Variants in INPP5A observed in about 807,000 individuals in gnomAD.
INPP5A encodes the protein 43 kDa inositol polyphosphate 5-phophatase.
INPP5A carries 14 observed loss-of-function variants against 65.2 expected under a neutral mutation model. The observed-to-expected ratio is 0.21, with a 90% confidence interval of 0.14 to 0.34. The LOEUF is 0.34. Among genes scored for constraint, INPP5A ranks in the 10% least tolerant of loss-of-function variants. INPP5A has a pLI of 1.00. For missense variants in INPP5A, 431 were observed against 545.6 expected (o/e 0.79, Z 2.09); for synonymous variants, 207 against 208.3 (o/e 0.99, Z 0.05).
chr10:132,597,341 A>G (rs144106257), intron 1 of INPP5A, among the ~76,000 whole-genome samples: 148 of 152,336 alleles, frequency 9.7e-4, no homozygotes, highest in African/African-American at 3.4e-3. Flanking sequence ...GTGGTCTGTC[A>G]GCTCATCCAC....
chr10:132,679,166 G>A (rs945958250), intron 4 of INPP5A, among the ~76,000 whole-genome samples: 1 of 152,222 alleles, frequency 6.6e-6, no homozygotes, highest in Non-Finnish European at 1.5e-5. Flanking sequence ...AGGTGGGTGT[G>A]CAGCAGTGCA....
At chr10:132,721,487 G>A (rs1272412122) in intron 8 of INPP5A, among the ~76,000 whole-genome samples, 1 of 151,194 alleles carries the variant, frequency 6.6e-6, no homozygotes, top group East Asian at 1.9e-4. Context: ...TGTCTTCAGG[G>A]TTCTGTGGTG....
chr10:132,691,358 G>A (rs1211884005), intron 5 of INPP5A, among the ~76,000 whole-genome samples: 1 of 152,188 alleles, frequency 6.6e-6, no homozygotes, highest in African/African-American at 2.4e-5. Context: ...GCACAGAATT[G>A]CAGGAGCCGG....
intron 2 of INPP5A, among the ~76,000 whole-genome samples, chr10:132,636,891 G>C (rs2072359977): frequency 6.6e-6 from 1 of 152,106 alleles, no homozygotes; most frequent in Non-Finnish European, 1.5e-5. Context: ...GACTGGTGCT[G>C]GTCCGATTCT....
chr10:132,587,242 T>G lies in INPP5A; in HGVS notation c.76-20673T>G, dbSNP rs896554540. The stretch of plus-strand genomic sequence containing the variant: ...GACAGGAGATGGACCCAGGGCAGCT[T>G]GGGCCCGTTCCTCACCTGTTACCTG... On this transcript the variant is annotated intron_variant, in intron 1 of 15. Transcript: ENST00000368594. The surrounding 1 kb of genome is among the most constrained non-coding windows in gnomAD (Gnocchi z 4.3). 1.1e-4 allele frequency among the ~76,000 whole-genome samples: 16 copies of G among 152,218 alleles called. No individual in the cohort carries two copies. The highest frequency in any genetic ancestry group is 6.5e-5 in the Admixed American group (1 of 15,286).
rs111842963 is a variant in INPP5A at position 132,675,602 on chromosome 10, C to CAG, written c.307-14790_307-14789insAG. On this transcript the variant is annotated intron_variant, in intron 4 of 15. Coordinates refer to ENST00000368594, the MANE Select transcript of INPP5A (RefSeq NM_005539.5). The surrounding 1 kb of genome is among the most constrained non-coding windows in gnomAD (Gnocchi z 4.2). Reference sequence around the variant, plus strand: ...GCCGTGCCCGGGAGAGTGAGGGTAACGGACATTCCCACGGGGATATTCCCA... The same window carrying CAG: ...GCCGTGCCCGGGAGAGTGAGGGTAACAGGGACATTCCCACGGGGATATTCCCA... Among the ~76,000 whole-genome samples the CAG allele has an allele frequency of 0.031, 4,684 of 152,254 alleles. 111 individuals are homozygous for CAG. The highest frequency in any genetic ancestry group is 0.058 in the African/African-American group (2,398 of 41,550).
intron 9 of INPP5A, among the ~76,000 whole-genome samples, chr10:132,739,495 G>A (rs533859403): frequency 6.6e-6 from 1 of 152,378 alleles, no homozygotes; most frequent in African/African-American, 2.4e-5. Context: ...GGAGGGCACA[G>A]CTGTTGCCCT....
chr10:132,764,905 T>C (rs867627337), intron 11 of INPP5A, among the ~76,000 whole-genome samples: 361 of 78,372 alleles, frequency 4.6e-3, no homozygotes, highest in Middle Eastern at 0.023. Flanking sequence ...AGGAACACGG[T>C]CGGGCCAGTC....
chr10:132,604,946 A>G (rs1018306813), intron 1 of INPP5A, among the ~76,000 whole-genome samples: 3 of 152,162 alleles, frequency 2.0e-5, no homozygotes, highest in African/African-American at 7.2e-5. Flanking sequence ...CCACGGGCTC[A>G]GGGCCTGGTG....
At chr10:132,779,777 C>T (rs1159604427) in intron 13 of INPP5A, among the ~76,000 whole-genome samples, 7 of 152,202 alleles carry the variant, frequency 4.6e-5, no homozygotes, top group Non-Finnish European at 7.3e-5. Flanking sequence ...TGACACGCGC[C>T]GTCACCTCGT....
chr10:132,781,896 A>G lies in INPP5A; in HGVS notation c.1194A>G (p.Ala398=). ...TGGCCTTCCGAATCATGCCCGGGGC[A>G]GGTAAACCTCATGCCCATGTGCACA... ...VFLAFRIMPG[A]GKPHAHVHKC... The change falls in exon 15 of 16, where the codon GCA becomes GCG. Residue 398 remains alanine (A), a synonymous_variant. Transcript: ENST00000368594. 6.2e-7 allele frequency: 1 copy of G among 1,613,882 alleles called. No homozygotes were observed. Among genetic ancestry groups the G allele is most frequent in the Admixed American group, 1.7e-5 (1 of 60,030 alleles).
At position 132,538,295 on chromosome 10, in the gene INPP5A, A is replaced by G; in HGVS notation, c.75+124A>G. On this transcript the variant is annotated intron_variant, in intron 1 of 15. Transcript: ENST00000368594. This position sits in a 1 kb window ranked among gnomAD's most constrained non-coding sequence, Gnocchi z 4.1. Reference sequence around the variant, plus strand: ...CCAGACCCAGAGGCCCCAGACTCTGATCCCTGTACCCGGGACCCCAGACTC... The same window carrying G: ...CCAGACCCAGAGGCCCCAGACTCTGGTCCCTGTACCCGGGACCCCAGACTC... 1 of 377,116 alleles carries G rather than the reference A, an allele frequency of 2.7e-6. No individual in the cohort carries two copies. The highest frequency in any genetic ancestry group is 4.1e-6 in the Non-Finnish European group (1 of 241,324). The allele number at this position is 377,116 out of a possible 1,614,324, so 23.4% of individuals were successfully genotyped here.
chr10:132,667,058 C>A (rs1590909043), intron 4 of INPP5A, among the ~76,000 whole-genome samples: 1 of 152,306 alleles, frequency 6.6e-6, no homozygotes, highest in African/African-American at 2.4e-5. Context: ...TGGGGCAGAC[C>A]CGCCAGTGTT....
At chr10:132,736,130 G>A (rs1445317956) in intron 9 of INPP5A, among the ~76,000 whole-genome samples, 2 of 152,256 alleles carry the variant, frequency 1.3e-5, no homozygotes, top group Non-Finnish European at 2.9e-5. Flanking sequence ...CGCCAGTCGT[G>A]TGCCATCTGA....
At chr10:132,737,100 G>T (rs925959142) in intron 9 of INPP5A, among the ~76,000 whole-genome samples, 1 of 152,240 alleles carries the variant, frequency 6.6e-6, no homozygotes, top group Admixed American at 6.5e-5. Flanking sequence ...GAGCATGGCG[G>T]CTGACTCCTC....
intron 1 of INPP5A, among the ~76,000 whole-genome samples, chr10:132,553,252 G>A (rs1590823746): frequency 1.8e-5 from 2 of 113,818 alleles, no homozygotes; most frequent in African/African-American, 3.5e-5. Context: ...GTAGGATAGG[G>A]AGGGAGGATT....
At position 132,644,993 on chromosome 10, in the gene INPP5A, A is replaced by C. The variant is rs538608949; in HGVS notation, c.118-875A>C. Among the ~76,000 whole-genome samples the C allele has an allele frequency of 1.5e-3, 234 of 152,202 alleles. 3 individuals are homozygous for C. Among genetic ancestry groups the C allele is most frequent in the South Asian group, 9.8e-3 (47 of 4,802 alleles). ...TGGAAGGAGGGGAGGCCATGTCGAT[A>C]CTGCATCCGCTCTCTGAATTCTCTG... is the stretch of plus-strand genomic sequence containing the variant. On this transcript the variant is annotated intron_variant, in intron 2 of 15. Transcript: ENST00000368594. This position sits in a 1 kb window ranked among gnomAD's most constrained non-coding sequence, Gnocchi z 6.5.
chr10:132,636,377 C>T (rs918012910), intron 2 of INPP5A, among the ~76,000 whole-genome samples: 10 of 152,204 alleles, frequency 6.6e-5, no homozygotes, highest in South Asian at 4.1e-4. Flanking sequence ...AGTGTGCACA[C>T]GATTCGAGTG....
At chr10:132,713,473 G>A (rs561663389) in intron 8 of INPP5A, among the ~76,000 whole-genome samples, 1 of 152,256 alleles carries the variant, frequency 6.6e-6, no homozygotes, top group African/African-American at 2.4e-5. Flanking sequence ...CTCTGCACAA[G>A]GAGTCTGGGC....
Sources: gnomAD v4.1 joint callset for allele counts (sites outside exome capture counted in the v4.1 genomes callset) on GRCh38, gnomAD v4.1.1 for gene constraint, Gnocchi (gnomAD v3.1) non-coding constraint, MANE v1.5 for transcripts, NCBI Gene and HGNC (gene_info 2026-07-23, HGNC 2026-07-21) for gene names.